Variants in SLC30A6 observed in about 807,000 individuals in gnomAD.
SLC30A6 encodes the protein solute carrier family 30 member 6.
A neutral mutation model predicts 63.0 loss-of-function variants in SLC30A6; 55 were observed. The observed-to-expected ratio is 0.87, with a 90% CI of 0.70 to 1.09. The LOEUF (loss-of-function observed/expected upper bound fraction) is 1.09, where lower values mean the gene tolerates loss of function less well. Among genes scored for constraint, SLC30A6 ranks in the 50% least tolerant of loss-of-function variants. SLC30A6 has a pLI of 0.00. For missense variants in SLC30A6, 587 were observed against 549.2 expected, an observed-to-expected ratio of 1.07 and a Z score of -0.69; for synonymous variants, 224 against 186.1, an observed-to-expected ratio of 1.20 and a Z score of -1.66.
chr2:32,203,349 C>G, intron 10 of SLC30A6: 1 of 938,018 alleles, frequency 1.1e-6, no homozygotes, highest in Admixed American at 1.7e-5. Flanking sequence ...GTAGGTATTC[C>G]TTCTACAATG....
chr2:32,215,499 A>ATT (rs1400254364), intron 13 of SLC30A6, among the ~76,000 whole-genome samples: 3 of 117,042 alleles, frequency 2.6e-5, no homozygotes, highest in Admixed American at 8.8e-5. Context: ...CTGGCCATCT[A>ATT]TTATATATAT....
At chr2:32,202,844 T>A (rs1285105397) in intron 10 of SLC30A6, 8 of 844,532 alleles carry the variant, frequency 9.5e-6, no homozygotes, top group Non-Finnish European at 1.4e-5. Context: ...ACGAACAGAT[T>A]GATGTTTTTG....
intron 10 of SLC30A6, chr2:32,203,240 A>G: frequency 1.0e-6 from 1 of 985,924 alleles, no homozygotes; most frequent in Non-Finnish European, 1.6e-6. Flanking sequence ...ACGCACAGGT[A>G]GAGCTGGACA....
rs968547877 is a variant in SLC30A6 at position 32,223,018 on chromosome 2, C to A, written c.*2305C>A. On this transcript the variant is annotated 3_prime_UTR_variant, in exon 14 of 14. Transcript: ENST00000282587. ...CCACCAAAGGTGCTTTAATACCTAC[C>A]TTCACTATTTGAGAAAGGACACTCA... 6.6e-6 allele frequency: 1 copy of A among 152,202 alleles called. No homozygotes were observed. The highest frequency in any genetic ancestry group is 2.4e-5 in the African/African-American group (1 of 41,438). The allele number at this position is 152,202 out of a possible 1,614,324, so 9.4% of individuals were successfully genotyped here.
At position 32,193,918 on chromosome 2, in the gene SLC30A6, C is replaced by T. The variant is rs1484399041; in HGVS notation, c.431C>T (p.Ala144Val). Residue 144 changes from alanine to valine, a missense_variant, in exon 8 of 14, where the codon GCT becomes GTT. Physicochemically the swap from Ala to Val is moderately conservative, Grantham distance 64. Transcript: ENST00000282587. Reference sequence around the variant, plus strand: ...AGATTATTAGTTGGTACTTTTGTGGCTCTTTGTTTCAACCTGTTCACGATG... The same window carrying T: ...AGATTATTAGTTGGTACTTTTGTGGTTCTTTGTTTCAACCTGTTCACGATG... ...TGRLLVGTFV[A>V]LCFNLFTMLS... 2 of 1,613,396 alleles carry T rather than the reference C, an allele frequency of 1.2e-6. No homozygotes were observed. Among genetic ancestry groups the T allele is most frequent in the Middle Eastern group, 1.7e-4 (1 of 6,058 alleles).
chr2:32,187,058 C>G lies in SLC30A6; in HGVS notation c.284+2720C>G, dbSNP rs1292734782. ...GAGTTCGGGGGAAAAAATGGGAGGA[C>G]TTTTACAATTTATGTAACCAAACTA... On this transcript the variant is annotated intron_variant, in intron 5 of 13. Transcript: ENST00000282587. The G allele has an allele frequency of 1.4e-5, 5 of 352,832 alleles. No individual in the cohort carries two copies. In the East Asian group the frequency reaches 4.3e-4, roughly 30 times the overall value. The allele number at this position is 352,832 out of a possible 1,614,324, so 21.9% of individuals were successfully genotyped here. A position where few individuals can be genotyped will look rare whatever the true frequency, so the allele number is the denominator to read the frequency against.
At chr2:32,198,938 C>T (rs900346562) in intron 10 of SLC30A6, among the ~76,000 whole-genome samples, 1 of 152,126 alleles carries the variant, frequency 6.6e-6, no homozygotes, top group Non-Finnish European at 1.5e-5. Context: ...TCTCCAGAAC[C>T]TTTTTCCTCC....
chr2:32,222,668 T>C lies in SLC30A6; in HGVS notation c.*1955T>C, dbSNP rs1164794223. ...ACACTACCTTGACTACTGGGGAAAATGATACTTCGTAAAATGTAATAAGGC... is the reference window on the plus strand; with the variant it reads ...ACACTACCTTGACTACTGGGGAAAACGATACTTCGTAAAATGTAATAAGGC... On this transcript the variant is annotated 3_prime_UTR_variant, in exon 14 of 14. Coordinates refer to ENST00000282587, the MANE Select transcript of SLC30A6 (RefSeq NM_017964.5). 6.6e-6 allele frequency: 1 copy of C among 152,198 alleles called. No individual in the cohort carries two copies. Among genetic ancestry groups the C allele is most frequent in the Non-Finnish European group, 1.5e-5 (1 of 68,036 alleles). 9.4% of individuals were successfully genotyped at this position (152,198 alleles called of 1,614,324 possible). A position where few individuals can be genotyped will look rare whatever the true frequency, so the allele number is the denominator to read the frequency against.
At chr2:32,190,955 A>G (rs923669006) in intron 5 of SLC30A6, among the ~76,000 whole-genome samples, 5 of 152,154 alleles carry the variant, frequency 3.3e-5, no homozygotes, top group Non-Finnish European at 7.4e-5. Flanking sequence ...ATTTTTCACA[A>G]ATCAGTGGAC....
At chr2:32,198,123 A>G (rs1421400389) in intron 10 of SLC30A6, among the ~76,000 whole-genome samples, 4 of 152,224 alleles carry the variant, frequency 2.6e-5, no homozygotes, top group Non-Finnish European at 4.4e-5. Context: ...CACCACTGCT[A>G]TTGCCGAGAG....
intron 12 of SLC30A6, among the ~76,000 whole-genome samples, chr2:32,209,076 G>A (rs1685034607): frequency 6.6e-6 from 1 of 152,120 alleles, no homozygotes; most frequent in African/African-American, 2.4e-5. Flanking sequence ...AACATCCTGT[G>A]TTGTGCAGAG....
intron 11 of SLC30A6, among the ~76,000 whole-genome samples, chr2:32,205,220 ACCAGCCTGG>A (rs1684646694): frequency 1.3e-5 from 2 of 152,130 alleles, no homozygotes; most frequent in African/African-American, 4.8e-5. Flanking sequence ...GTAGTTCGAG[ACCAGCCTGG>A]CCAACATGGT....
At position 32,203,690 on chromosome 2, in the gene SLC30A6, G is replaced by A. The variant is rs191635228; in HGVS notation, c.666-900G>A. The A allele has an allele frequency of 5.3e-4, 818 of 1,544,462 alleles. 2 individuals are homozygous for A. Among genetic ancestry groups the A allele is most frequent in the Non-Finnish European group, 6.3e-4 (705 of 1,116,858 alleles). ...ATGTGCCTCCTGAAAGGAAATGTGCGTGTTTGCTTTGATGTTCCTACAACT... is the reference window on the plus strand; with the variant it reads ...ATGTGCCTCCTGAAAGGAAATGTGCATGTTTGCTTTGATGTTCCTACAACT... On this transcript the variant is annotated intron_variant, in intron 10 of 13. Transcript: ENST00000282587.
At chr2:32,209,846 A>G (rs1409617967) in intron 13 of SLC30A6, among the ~76,000 whole-genome samples, 2 of 152,114 alleles carry the variant, frequency 1.3e-5, no homozygotes, top group Non-Finnish European at 2.9e-5. Flanking sequence ...TTTTTTTTCC[A>G]TCAAACATGT....
At position 32,190,025 on chromosome 2, in the gene SLC30A6, T is replaced by C. The variant is rs1224373417; in HGVS notation, c.285-2311T>C. On this transcript the variant is annotated intron_variant, in intron 5 of 13. Coordinates refer to ENST00000282587, the MANE Select transcript of SLC30A6 (RefSeq NM_017964.5). ...ATGTTGATTAACCATTCAGATCACCTCTTTTTTAAAATGCTTGTAAAAATC... is the reference window on the plus strand; with the variant it reads ...ATGTTGATTAACCATTCAGATCACCCCTTTTTTAAAATGCTTGTAAAAATC... 2.6e-5 allele frequency among the ~76,000 whole-genome samples: 4 copies of C among 152,212 alleles called. No homozygotes were observed. The South Asian group carries it at 6.2e-4, about 24-fold the overall frequency.
intron 4 of SLC30A6, among the ~76,000 whole-genome samples, chr2:32,181,933 C>CTTT (rs34589397): frequency 5.6e-4 from 69 of 122,920 alleles, no homozygotes; most frequent in African/African-American, 1.8e-3. Flanking sequence ...TTTTTCTTTT[C>CTTT]TTTTTTTTTT....
chr2:32,165,985 C>T (rs1558357948), intron 1 of SLC30A6, 82 bp downstream of exon 1: 2 of 1,597,922 alleles, frequency 1.3e-6, no homozygotes, highest in Non-Finnish European at 8.6e-7. Flanking sequence ...CTTGAAATCC[C>T]TCAGCCACCC....
chr2:32,205,662 C>CTTTTTTT (rs745414068), intron 11 of SLC30A6, among the ~76,000 whole-genome samples: 6 of 87,196 alleles, frequency 6.9e-5, no homozygotes, highest in African/African-American at 1.3e-4. Context: ...AATGTTACTT[C>CTTTTTTT]TTTTTTTTTT....
At chr2:32,200,938 C>G (rs1244591750) in intron 10 of SLC30A6, among the ~76,000 whole-genome samples, 1 of 152,218 alleles carries the variant, frequency 6.6e-6, no homozygotes, top group South Asian at 2.1e-4. Context: ...ACCAACCTTA[C>G]TAACCATCCA....
Sources: allele counts gnomAD v4.1 joint callset (sites outside exome capture counted in the v4.1 genomes callset), GRCh38; gene constraint gnomAD v4.1.1; transcripts MANE v1.5; gene names NCBI Gene and HGNC (gene_info 2026-07-23, HGNC 2026-07-21).